The following GALNTL6 variants were observed in gnomAD, a reference collection of about 807,000 sequenced individuals.
GALNTL6 encodes polypeptide N-acetylgalactosaminyltransferase-like 6.
In GALNTL6, 46 loss-of-function variants were observed where a neutral mutation model predicts 73.7. That is an observed-to-expected ratio of 0.62 (90% CI 0.49 to 0.80). The LOEUF is 0.80. Among genes scored for constraint, GALNTL6 ranks in the 30% least tolerant of loss-of-function variants. The probability of loss-of-function intolerance (pLI) is 0.00; values close to 1 mark genes in which losing one functional copy is unlikely to be tolerated. For missense variants in GALNTL6, 604 were observed against 755.0 expected, an observed-to-expected ratio of 0.80 and a Z score of 2.34; for synonymous variants, 259 against 263.7, an observed-to-expected ratio of 0.98 and a Z score of 0.17.
chr4:172,515,854 G>A (rs541633141), intron 5 of GALNTL6, among the ~76,000 whole-genome samples: 19 of 152,246 alleles, frequency 1.2e-4, no homozygotes, highest in South Asian at 2.1e-4. Context: ...GGCACAGCAC[G>A]GCATTCATTG....
At chr4:172,309,968 A>G (rs1365221496) in intron 3 of GALNTL6, among the ~76,000 whole-genome samples, 1 of 152,148 alleles carries the variant, frequency 6.6e-6, no homozygotes, top group African/African-American at 2.4e-5. Flanking sequence ...AATAGCTGAT[A>G]TATATAAAAA....
chr4:172,317,621 G>A (rs1017275746), intron 4 of GALNTL6, among the ~76,000 whole-genome samples: 15 of 152,098 alleles, frequency 9.9e-5, no homozygotes, highest in African/African-American at 2.4e-4. Context: ...ATAAGATTTT[G>A]TAAATATACT....
intron 4 of GALNTL6, among the ~76,000 whole-genome samples, chr4:172,336,860 C>T (rs1408148840): frequency 6.6e-6 from 1 of 152,098 alleles, no homozygotes; most frequent in East Asian, 1.9e-4. Context: ...CACCCCTCCA[C>T]CCCGTCCATT....
At chr4:172,576,274 A>G (rs1045429735) in intron 5 of GALNTL6, among the ~76,000 whole-genome samples, 3 of 151,978 alleles carry the variant, frequency 2.0e-5, no homozygotes, top group Non-Finnish European at 4.4e-5. Flanking sequence ...TGTGCTGGGT[A>G]TTCATCTACA....
chr4:172,087,298 A>AGCCG (rs1223220110), intron 2 of GALNTL6, among the ~76,000 whole-genome samples: 1 of 151,688 alleles, frequency 6.6e-6, no homozygotes, highest in Non-Finnish European at 1.5e-5. Context: ...TAAAAAAATT[A>AGCCG]GCCGGGCGTG....
chr4:172,485,410 A>T (rs193178934), intron 5 of GALNTL6, among the ~76,000 whole-genome samples: 130 of 152,258 alleles, frequency 8.5e-4, no homozygotes, highest in Middle Eastern at 6.8e-3. Context: ...TTACTATACA[A>T]TACTATAATG....
intron 5 of GALNTL6, among the ~76,000 whole-genome samples, chr4:172,732,285 G>A (rs535457884): frequency 4.5e-4 from 68 of 152,172 alleles, no homozygotes; most frequent in African/African-American, 1.5e-3. Context: ...TCATTTTATA[G>A]TGATCTTCCT....
At chr4:172,456,964 T>C (rs1732420323) in intron 5 of GALNTL6, among the ~76,000 whole-genome samples, 1 of 152,126 alleles carries the variant, frequency 6.6e-6, no homozygotes, top group African/African-American at 2.4e-5. Flanking sequence ...AAGGTCAGGT[T>C]ACCCACAAAG....
chr4:172,355,902 G>A (rs1165640288), intron 5 of GALNTL6, among the ~76,000 whole-genome samples: 2 of 152,082 alleles, frequency 1.3e-5, no homozygotes, highest in African/African-American at 4.8e-5. Flanking sequence ...ATATTTCAAT[G>A]TTTACGACCA....
At chr4:173,036,446 C>A (rs1753700688) in intron 12 of GALNTL6, among the ~76,000 whole-genome samples, 1 of 152,146 alleles carries the variant, frequency 6.6e-6, no homozygotes, top group African/African-American at 2.4e-5. Flanking sequence ...AAAGAAGTGC[C>A]CCTTTCAATG....
chr4:172,017,523 G>T (rs1220264767), intron 2 of GALNTL6, among the ~76,000 whole-genome samples: 1 of 152,048 alleles, frequency 6.6e-6, no homozygotes, highest in African/African-American at 2.4e-5. Context: ...GGGAGAACAA[G>T]GTCCCCTTCT....
intron 9 of GALNTL6, among the ~76,000 whole-genome samples, chr4:172,943,103 T>C (rs1011233718): frequency 1.3e-5 from 2 of 152,088 alleles, no homozygotes; most frequent in Non-Finnish European, 2.9e-5. Context: ...TCCTTTTTTT[T>C]TTTTTTTTAC....
At chr4:172,242,456 C>A (rs1368829035) in intron 3 of GALNTL6, among the ~76,000 whole-genome samples, 2 of 152,116 alleles carry the variant, frequency 1.3e-5, no homozygotes, top group Non-Finnish European at 2.9e-5. Flanking sequence ...AATATTGTCA[C>A]TGCATTTGCC....
chr4:172,795,037 T>A (rs1046136312), intron 5 of GALNTL6, among the ~76,000 whole-genome samples: 1 of 152,152 alleles, frequency 6.6e-6, no homozygotes, highest in Non-Finnish European at 1.5e-5. Flanking sequence ...GAAGCTGAAG[T>A]GGAGACTGCA....
intron 2 of GALNTL6, among the ~76,000 whole-genome samples, chr4:172,018,680 T>A (rs950618322): frequency 6.6e-6 from 1 of 152,098 alleles, no homozygotes; most frequent in Non-Finnish European, 1.5e-5. Flanking sequence ...TCTCTCCCAA[T>A]TTGTCCACAA....
intron 2 of GALNTL6, among the ~76,000 whole-genome samples, chr4:171,947,353 G>A (rs1438212328): frequency 2.0e-5 from 3 of 152,074 alleles, no homozygotes; most frequent in Admixed American, 1.3e-4. Context: ...TGAATTATAG[G>A]TTGTAAGGGA....
intron 5 of GALNTL6, among the ~76,000 whole-genome samples, chr4:172,639,289 C>T (rs974640588): frequency 9.9e-5 from 15 of 152,116 alleles, no homozygotes; most frequent in African/African-American, 3.4e-4. Context: ...ACCTCCATTC[C>T]GTTGATCTTT....
intron 5 of GALNTL6, among the ~76,000 whole-genome samples, chr4:172,500,354 G>A (rs1304561505): frequency 2.6e-5 from 4 of 152,254 alleles, no homozygotes; most frequent in Middle Eastern, 3.4e-3. Context: ...CTGGAAGATC[G>A]AGGCTGTAGT....
At chr4:171,825,401 T>C (rs952050827) in intron 2 of GALNTL6, among the ~76,000 whole-genome samples, 1 of 152,034 alleles carries the variant, frequency 6.6e-6, no homozygotes, top group Non-Finnish European at 1.5e-5. Context: ...AATGCTTCTG[T>C]TCCCTAGCCG....
Sources: gnomAD v4.1 joint callset for allele counts (sites outside exome capture counted in the v4.1 genomes callset) on GRCh38, gnomAD v4.1.1 for gene constraint, MANE v1.5 for transcripts, NCBI Gene and HGNC (gene_info 2026-07-23, HGNC 2026-07-21) for gene names.